The following TTC34 variants were observed in gnomAD, a reference collection of about 807,000 sequenced individuals.
TTC34 encodes the protein tetratricopeptide repeat domain 34.
A neutral mutation model predicts 40.7 loss-of-function variants in TTC34; 44 were observed. That is an observed-to-expected ratio of 1.08 (90% CI 0.85 to 1.39). The LOEUF is 1.39. Among genes scored for constraint, TTC34 ranks in the 40% most tolerant of loss-of-function variants. The pLI is 0.00. For missense variants in TTC34, 884 were observed against 838.0 expected, an observed-to-expected ratio of 1.05 and a Z score of -0.68; for synonymous variants, 422 against 398.6, an observed-to-expected ratio of 1.06 and a Z score of -0.70.
intron 6 of TTC34, among the ~76,000 whole-genome samples, chr1:2,681,265 C>A (rs1477253409): frequency 1.8e-5 from 2 of 109,986 alleles, no homozygotes; most frequent in Admixed American, 8.6e-5. Flanking sequence ...CACCCACACA[C>A]CCAGGTGAGC....
intron 6 of TTC34, among the ~76,000 whole-genome samples, chr1:2,751,977 C>G (rs1231866435): frequency 1.1e-5 from 1 of 92,478 alleles, no homozygotes; most frequent in Non-Finnish European, 2.0e-5. Context: ...CACCCCCAGG[C>G]GAGCATTTGA....
intron 6 of TTC34, among the ~76,000 whole-genome samples, chr1:2,685,121 C>G (rs1168910812): frequency 2.1e-5 from 3 of 139,578 alleles, no homozygotes; most frequent in Admixed American, 1.4e-4. Context: ...ACCCACACCC[C>G]CAGGCGAGCA....
intron 2 of TTC34, among the ~76,000 whole-genome samples, chr1:2,791,277 G>A (rs866842944): frequency 1.3e-5 from 2 of 152,178 alleles, no homozygotes; most frequent in Non-Finnish European, 2.9e-5. Context: ...CGTGCTGGGC[G>A]GGCTTCAGGT....
intron 6 of TTC34, among the ~76,000 whole-genome samples, chr1:2,686,282 C>G (rs1383376360): frequency 2.8e-4 from 42 of 151,794 alleles, no homozygotes; most frequent in Non-Finnish European, 5.2e-4. Context: ...CACCCACACC[C>G]CCAGGCGAGC....
intron 6 of TTC34, among the ~76,000 whole-genome samples, chr1:2,756,901 C>T (rs1641525213): frequency 0.016 from 1,817 of 113,238 alleles, 2 homozygotes; most frequent in African/African-American, 0.028. Flanking sequence ...GGAGCAGTAC[C>T]CACACCCACA....
chr1:2,694,131 C>T (rs1347540722), intron 6 of TTC34, among the ~76,000 whole-genome samples: 10 of 144,250 alleles, frequency 6.9e-5, no homozygotes, highest in African/African-American at 1.8e-4. Flanking sequence ...ACGTGACAGC[C>T]TGGAACAGCA....
At chr1:2,751,241 G>A (rs1342702423) in intron 6 of TTC34, among the ~76,000 whole-genome samples, 1 of 7,966 alleles carries the variant, frequency 1.3e-4, no homozygotes, top group African/African-American at 4.2e-4. Context: ...TGGAGCAGCA[G>A]GCACACCCCC....
At chr1:2,760,206 A>T (rs1641652078) in intron 6 of TTC34, among the ~76,000 whole-genome samples, 2 of 118,286 alleles carry the variant, frequency 1.7e-5, no homozygotes, top group African/African-American at 8.3e-5. Flanking sequence ...CCATACCCCA[A>T]GGCGAGCATC....
rs796530519 is a variant in TTC34 at position 2,681,086 on chromosome 1, C to G, written c.2227-35523G>C. Among the ~76,000 whole-genome samples, 10 of 45,414 alleles carry G rather than the reference C, an allele frequency of 2.2e-4. 3 individuals are homozygous for G. Among genetic ancestry groups the G allele is most frequent in the Non-Finnish European group, 3.7e-4 (7 of 18,822 alleles). 29.8% of individuals were successfully genotyped at this position (45,414 alleles called of 152,430 possible). A position where few individuals can be genotyped will look rare whatever the true frequency, so the allele number is the denominator to read the frequency against. On this transcript the variant is annotated intron_variant, in intron 6 of 8. Transcript: ENST00000401095. ...CACACCCAGGCGAGCATCTGACAGC[C>G]TAGAGCAGTGCCCACACCCCCAGGT...
chr1:2,754,737 A>C (rs1641446677), intron 6 of TTC34, among the ~76,000 whole-genome samples: 3 of 142,482 alleles, frequency 2.1e-5, no homozygotes, highest in South Asian at 2.3e-4. Flanking sequence ...CAGCACCCAC[A>C]CCCCCAGGTG....
intron 6 of TTC34, among the ~76,000 whole-genome samples, chr1:2,646,792 A>G (rs766138598): frequency 6.2e-4 from 94 of 152,378 alleles, no homozygotes; most frequent in Non-Finnish European, 1.1e-3. Context: ...AATTTCTATC[A>G]GGCATCAGTT....
intron 6 of TTC34, 145 bp downstream of exon 6, chr1:2,783,464 G>A: frequency 1.2e-6 from 1 of 820,784 alleles, no homozygotes; most frequent in Non-Finnish European, 1.7e-6. Flanking sequence ...CGCTGTACAG[G>A]TGGGGATGGG....
intron 5 of TTC34, among the ~76,000 whole-genome samples, chr1:2,784,961 G>GCTCTGGGCCGCTCTGGGCCA (rs1643556048): frequency 4.0e-5 from 6 of 150,996 alleles, no homozygotes; most frequent in Non-Finnish European, 1.5e-5. Flanking sequence ...ATGCCAGGCT[G>GCTCTGGGCCGCTCTGGGCCA]CTCTGGGCCA....
chr1:2,691,231 A>G (rs796510825), intron 6 of TTC34, among the ~76,000 whole-genome samples: 1 of 83,092 alleles, frequency 1.2e-5, no homozygotes, highest in African/African-American at 3.9e-5. Flanking sequence ...CGCCCAGGTG[A>G]GCATCTGACA....
intron 6 of TTC34, among the ~76,000 whole-genome samples, chr1:2,753,297 C>T (rs1641388018): frequency 7.8e-6 from 1 of 128,386 alleles, no homozygotes; most frequent in Non-Finnish European, 1.6e-5. Flanking sequence ...ACCCTGCACA[C>T]CCAGGTGAGC....
intron 6 of TTC34, among the ~76,000 whole-genome samples, chr1:2,782,516 C>T (rs1305389666): frequency 2.0e-5 from 3 of 151,366 alleles, no homozygotes; most frequent in South Asian, 4.2e-4. Context: ...TTTTCTCTCT[C>T]TCTTTCTTTC....
chr1:2,790,474 C>G, intron 2 of TTC34, 128 bp from the exon 3 acceptor site: 1 of 397,412 alleles, frequency 2.5e-6, no homozygotes, highest in Non-Finnish European at 4.4e-6. Flanking sequence ...CGAGGCATCT[C>G]CCTCCAGTCT....
chr1:2,783,297 C>T (rs1643515699), intron 6 of TTC34, among the ~76,000 whole-genome samples: 1 of 152,176 alleles, frequency 6.6e-6, no homozygotes, highest in Admixed American at 6.5e-5. Flanking sequence ...GCCAACAACC[C>T]CAGAGGGACC....
Position 2,645,316 on chromosome 1 carries a change from A to G in TTC34, c.2474T>C (p.Leu825Pro). ...ACCCTGTGCCATGAGAATGTCTGCC[A>G]GGAGGAGGTGCCAGTGCGGTTGCCC... is the stretch of plus-strand genomic sequence containing the variant. The change falls in exon 7 of 9, where the codon CTG (leucine) becomes CCG (proline). Residue 825 changes from leucine (L) to proline (P), a missense_variant. By Grantham distance (98) the Leu-to-Pro change is moderately conservative. Coordinates refer to ENST00000401095, the Ensembl canonical transcript of TTC34. The surrounding 1 kb of genome is among the most constrained non-coding windows in gnomAD (Gnocchi z 4.7). 6.6e-7 allele frequency: 1 copy of G among 1,504,768 alleles called. No homozygotes were observed. Among genetic ancestry groups the G allele is most frequent in the Non-Finnish European group, 8.9e-7 (1 of 1,129,240 alleles). The allele number at this position is 1,504,768 out of a possible 1,614,324, so 93.2% of individuals were successfully genotyped here. A position where few individuals can be genotyped will look rare whatever the true frequency, so the allele number is the denominator to read the frequency against.
Sources: gnomAD v4.1 joint callset for allele counts (sites outside exome capture counted in the v4.1 genomes callset) on GRCh38, gnomAD v4.1.1 for gene constraint, Gnocchi (gnomAD v3.1) non-coding constraint, MANE v1.5 for transcripts, NCBI Gene and HGNC (gene_info 2026-07-23, HGNC 2026-07-21) for gene names.